Variants in OSBPL10 observed in about 807,000 individuals in gnomAD.
OSBPL10 encodes oxysterol-binding protein-related protein 10.
In OSBPL10, 49 loss-of-function variants were observed where a neutral mutation model predicts 81.7. The ratio of observed to expected loss-of-function variants is 0.60; its 90% CI spans 0.48 to 0.76. The LOEUF is 0.76. Ranked by LOEUF, OSBPL10 falls within the 30% of genes least tolerant of loss-of-function variation. The pLI, the probability that OSBPL10 is intolerant of heterozygous loss-of-function variation, is 0.00. For missense variants in OSBPL10, 923 were observed against 987.8 expected, an observed-to-expected ratio of 0.93 and a Z score of 0.88; for synonymous variants, 419 against 383.6, an observed-to-expected ratio of 1.09 and a Z score of -1.08.
At position 32,076,304 on chromosome 3, in the gene OSBPL10, C is replaced by A. The variant is rs1284522376; in HGVS notation, n.185+1092G>T. On this transcript the variant is annotated intron_variant and non_coding_transcript_variant, in intron 1 of 3. Coordinates refer to the OSBPL10 transcript ENST00000479173. ...AATGGCGTGAACCCAGGAGGCAGAG[C>A]TTGTAGTGAGCAGAGATTGCGCCAC... Among the ~76,000 whole-genome samples the A allele has an allele frequency of 3.3e-5, 5 of 151,812 alleles. No individual in the cohort carries two copies. In the East Asian group the frequency reaches 9.7e-4, roughly 30 times the overall value.
At chr3:31,877,979 T>G (rs1164114650) in intron 2 of OSBPL10, among the ~76,000 whole-genome samples, 3 of 152,186 alleles carry the variant, frequency 2.0e-5, no homozygotes. Flanking sequence ...TCCTACTATG[T>G]GCAGGTAAGA....
chr3:31,877,905 A>G (rs182298055), intron 2 of OSBPL10, among the ~76,000 whole-genome samples: 40 of 152,320 alleles, frequency 2.6e-4, no homozygotes, highest in African/African-American at 9.6e-4. Flanking sequence ...TGGCAATACT[A>G]TCCAAAGGCT....
chr3:31,983,292 A>G (rs1180523932), upstream of OSBPL10, among the ~76,000 whole-genome samples: 1 of 152,166 alleles, frequency 6.6e-6, no homozygotes. Context: ...CCAAAACAAC[A>G]TGCCTTTTAT....
intron 2 of OSBPL10, among the ~76,000 whole-genome samples, chr3:31,993,633 A>T (rs1480025315): frequency 6.6e-6 from 1 of 152,138 alleles, no homozygotes; most frequent in Non-Finnish European, 1.5e-5. Flanking sequence ...TACAAGTAAA[A>T]CTACAATGAG....
intron 5 of OSBPL10, among the ~76,000 whole-genome samples, chr3:31,746,187 G>C (rs1697513745): frequency 6.6e-6 from 1 of 152,102 alleles, no homozygotes; most frequent in East Asian, 1.9e-4. Context: ...ATTATCCCTG[G>C]CTTCTTGATT....
intron 1 of OSBPL10, among the ~76,000 whole-genome samples, chr3:31,957,218 T>C (rs1310622927): frequency 6.6e-6 from 1 of 152,228 alleles, no homozygotes; most frequent in Non-Finnish European, 1.5e-5. Flanking sequence ...TTTTTGTTTT[T>C]TTAACTATCA....
chr3:31,826,742 C>A, intron 4 of OSBPL10, among the ~76,000 whole-genome samples: 1 of 152,148 alleles, frequency 6.6e-6, no homozygotes, highest in East Asian at 1.9e-4. Context: ...TTAATAACTG[C>A]GGAACTTTCT....
Position 32,015,922 on chromosome 3 carries a change from C to T in OSBPL10, n.298+30569G>A, listed in dbSNP as rs552259698. On this transcript the variant is annotated intron_variant and non_coding_transcript_variant, in intron 2 of 3. Coordinates refer to the OSBPL10 transcript ENST00000479173. ...ATACCATCTCACACAGTTAGAATGGCGATCATTAAAAAGTCAGGGAACAAC... is the reference window on the plus strand; with the variant it reads ...ATACCATCTCACACAGTTAGAATGGTGATCATTAAAAAGTCAGGGAACAAC... 1.2e-4 allele frequency among the ~76,000 whole-genome samples: 18 copies of T among 152,200 alleles called. No individual in the cohort carries two copies. In the East Asian group the frequency reaches 1.5e-3, roughly 13 times the overall value.
intron 4 of OSBPL10, among the ~76,000 whole-genome samples, chr3:31,793,860 T>G (rs1699103480): frequency 6.6e-6 from 1 of 152,174 alleles, no homozygotes; most frequent in Non-Finnish European, 1.5e-5. Context: ...TGAAAAATAT[T>G]TGAAGAAAAA....
At chr3:31,835,264 C>T (rs951807281) in intron 3 of OSBPL10, among the ~76,000 whole-genome samples, 1 of 152,026 alleles carries the variant, frequency 6.6e-6, no homozygotes, top group Non-Finnish European at 1.5e-5. Context: ...AGCAAAGTTC[C>T]CTATAAATTA....
intron 7 of OSBPL10, among the ~76,000 whole-genome samples, chr3:31,687,840 G>A (rs1228698732): frequency 6.6e-6 from 1 of 151,684 alleles, no homozygotes; most frequent in African/African-American, 2.4e-5. Flanking sequence ...GGGAGGCTGA[G>A]GCAGGAAGAG....
intron 1 of OSBPL10, among the ~76,000 whole-genome samples, chr3:31,946,802 T>C (rs917537743): frequency 1.3e-5 from 2 of 152,164 alleles, no homozygotes; most frequent in African/African-American, 2.4e-5. Flanking sequence ...CAAGAGTTTT[T>C]AGTGTTGCAT....
intron 3 of OSBPL10, among the ~76,000 whole-genome samples, chr3:31,847,446 C>T (rs1324242803): frequency 2.6e-5 from 4 of 152,148 alleles, no homozygotes; most frequent in Non-Finnish European, 5.9e-5. Flanking sequence ...ACCTTGGCCT[C>T]CCAAAGTGCT....
Position 31,810,023 on chromosome 3 carries a change from C to T in OSBPL10, c.729+20017G>A, listed in dbSNP as rs6809060. ...AGTAGCTGGGATTACAGGCATGTGC[C>T]ACCACGCCCGGCTAATTTCGTATCT... On this transcript the variant is annotated intron_variant, in intron 4 of 11. Transcript: ENST00000396556. Among the ~76,000 whole-genome samples, 698 of 152,040 alleles carry T rather than the reference C, an allele frequency of 4.6e-3. 5 individuals carry two copies. Among genetic ancestry groups the T allele is most frequent in the African/African-American group, 0.016 (666 of 41,420 alleles).
intron 1 of OSBPL10, among the ~76,000 whole-genome samples, chr3:31,909,300 C>T (rs187246118): frequency 6.6e-6 from 1 of 152,244 alleles, no homozygotes; most frequent in East Asian, 1.9e-4. Flanking sequence ...AAATAATGAC[C>T]TCCACCAAAA....
intron 4 of OSBPL10, among the ~76,000 whole-genome samples, chr3:31,800,284 T>C (rs113820451): frequency 6.6e-6 from 1 of 152,358 alleles, no homozygotes; most frequent in Non-Finnish European, 1.5e-5. Flanking sequence ...TAAATGAGCA[T>C]GATGGTGGTT....
chr3:32,033,512 G>T (rs1559552620), intron 2 of OSBPL10, among the ~76,000 whole-genome samples: 1 of 152,090 alleles, frequency 6.6e-6, no homozygotes. Context: ...GCCAATAAAT[G>T]CTGTATTAGA....
In OSBPL10 at chr3:31,829,917, A is replaced by C. The variant is rs1315100637; in HGVS notation, c.729+123T>G. The C allele has an allele frequency of 1.3e-5, 12 of 937,668 alleles. No homozygotes were observed. The East Asian group carries it at 3.1e-4, about 24-fold the overall frequency. The allele number at this position is 937,668 out of a possible 1,614,324, so 58.1% of individuals were successfully genotyped here. A position where few individuals can be genotyped will look rare whatever the true frequency, so the allele number is the denominator to read the frequency against. On this transcript the variant is annotated intron_variant, in intron 4 of 11. Coordinates refer to ENST00000396556, the MANE Select transcript of OSBPL10 (RefSeq NM_017784.5). Reference sequence around the variant, plus strand: ...GGACCGTCACAGCCGTGTGGCTGGGAGGTTTGCTGCTGGTCCTCTCTCCAT... The same window carrying C: ...GGACCGTCACAGCCGTGTGGCTGGGCGGTTTGCTGCTGGTCCTCTCTCCAT...
At chr3:31,841,991 C>T (rs1366189541) in intron 3 of OSBPL10, among the ~76,000 whole-genome samples, 2 of 152,130 alleles carry the variant, frequency 1.3e-5, no homozygotes, top group South Asian at 2.1e-4. Context: ...AACCTAGAAG[C>T]GTTCTGTAAT....
Sources: allele counts gnomAD v4.1 joint callset (sites outside exome capture counted in the v4.1 genomes callset), GRCh38; gene constraint gnomAD v4.1.1; transcripts MANE v1.5; gene names NCBI Gene and HGNC (gene_info 2026-07-23, HGNC 2026-07-21).